The following KLF15 variants were observed in gnomAD, a reference collection of about 807,000 sequenced individuals.
The protein encoded by KLF15 is KLF transcription factor 15.
KLF15 carries 4 observed loss-of-function variants against 24.6 expected under a neutral mutation model. The observed-to-expected ratio is 0.16, with a 90% CI of 0.08 to 0.37. The LOEUF is 0.37. Among genes scored for constraint, KLF15 ranks in the 10% least tolerant of loss-of-function variants. The pLI is 1.00. For synonymous variants in KLF15, 246 were observed against 236.3 expected (o/e 1.04, Z -0.37); for missense variants, 496 against 560.6 (o/e 0.88, Z 1.16).
chr3:126,347,362 A>G (rs2082543152), intron 2 of KLF15, among the ~76,000 whole-genome samples: 1 of 152,138 alleles, frequency 6.6e-6, no homozygotes, highest in South Asian at 2.1e-4. Context: ...AAAAGCCTCA[A>G]TGCAGAGGGG....
the KLF15 span, among the ~76,000 whole-genome samples, chr3:126,311,672 T>A: frequency 6.6e-6 from 1 of 152,166 alleles, no homozygotes; most frequent in African/African-American, 2.4e-5. Flanking sequence ...AGGACTTACA[T>A]CCTCCAACCT....
the KLF15 span, among the ~76,000 whole-genome samples, chr3:126,316,410 G>T: frequency 3.7e-4 from 56 of 149,782 alleles, no homozygotes; most frequent in Non-Finnish European, 5.8e-4. Context: ...GGGCATCCAT[G>T]GGCCAGTGGG....
chr3:126,342,369 G>A (rs549217964), downstream of KLF15, among the ~76,000 whole-genome samples: 1 of 152,324 alleles, frequency 6.6e-6, no homozygotes, highest in African/African-American at 2.4e-5. Flanking sequence ...CTTCCCACAG[G>A]TGCTGTCGGA....
At chr3:126,345,981 G>A (rs2082532752) in intron 2 of KLF15, among the ~76,000 whole-genome samples, 1 of 152,230 alleles carries the variant, frequency 6.6e-6, no homozygotes, top group Non-Finnish European at 1.5e-5. Context: ...ACAAGACAGG[G>A]CCCCTGAGGC....
the KLF15 span, among the ~76,000 whole-genome samples, chr3:126,330,449 A>G: frequency 0.7 from 105,768 of 152,038 alleles, 37,236 homozygotes; most frequent in African/African-American, 0.81. Context: ...CAGATTTTCA[A>G]TTGATCATTT....
chr3:126,308,103 G>A, the KLF15 span, among the ~76,000 whole-genome samples: 4,430 of 152,330 alleles, frequency 0.029, 88 homozygotes, highest in Non-Finnish European at 0.044. Context: ...TGGCCAGCTC[G>A]TTGCTCTAAG....
chr3:126,344,058 G>A (rs551137990), intron 2 of KLF15, among the ~76,000 whole-genome samples, 163 bp from the exon 3 acceptor site: 33 of 152,186 alleles, frequency 2.2e-4, no homozygotes, highest in African/African-American at 8.0e-4. Flanking sequence ...CCCCATCTAC[G>A]TCGGTAAGGC....
At chr3:126,355,437 A>T (rs1221556921) in intron 1 of KLF15, among the ~76,000 whole-genome samples, 1 of 152,186 alleles carries the variant, frequency 6.6e-6, no homozygotes, top group African/African-American at 2.4e-5. Flanking sequence ...CTTCAGCCTC[A>T]GCCCGGGGCC....
At chr3:126,322,861 G>T in the KLF15 span, among the ~76,000 whole-genome samples, 1 of 152,128 alleles carries the variant, frequency 6.6e-6, no homozygotes, top group Non-Finnish European at 1.5e-5. Flanking sequence ...GGAAAGACAG[G>T]CAATACATGG....
At chr3:126,330,535 CT>C in the KLF15 span, among the ~76,000 whole-genome samples, 5,362 of 149,820 alleles carry the variant, frequency 0.036, 330 homozygotes, top group African/African-American at 0.12. Flanking sequence ...TCCTTTCAGT[CT>C]TTTTTTTTTC....
chr3:126,290,272 G>A, the KLF15 span, among the ~76,000 whole-genome samples: 1 of 152,092 alleles, frequency 6.6e-6, no homozygotes, highest in Non-Finnish European at 1.5e-5. Flanking sequence ...ATCTCATAGT[G>A]GGGACTGCCA....
chr3:126,320,470 C>G, the KLF15 span, among the ~76,000 whole-genome samples: 2 of 152,234 alleles, frequency 1.3e-5, no homozygotes, highest in African/African-American at 4.8e-5. Flanking sequence ...TATAAATGCA[C>G]ATGCAGTACA....
chr3:126,351,433 A>G (rs1004280541), intron 2 of KLF15, among the ~76,000 whole-genome samples: 2 of 152,156 alleles, frequency 1.3e-5, no homozygotes, highest in African/African-American at 4.8e-5. Context: ...TCGGAGCCCT[A>G]GTGTCCTGTG....
At chr3:126,323,421 A>ATATATATATATATAACATATATATGT in the KLF15 span, among the ~76,000 whole-genome samples, 2 of 35,480 alleles carry the variant, frequency 5.6e-5, no homozygotes, top group Admixed American at 3.9e-4. Context: ...ATATATATAT[A>ATATATATATATATAACATATATATGT]TATATATATA....
chr3:126,300,852 G>A, the KLF15 span, among the ~76,000 whole-genome samples: 10 of 152,208 alleles, frequency 6.6e-5, no homozygotes, highest in Non-Finnish European at 1.2e-4. Context: ...GGAAGCACAA[G>A]GAACCATCCT....
At chr3:126,319,646 A>G in the KLF15 span, among the ~76,000 whole-genome samples, 2 of 152,166 alleles carry the variant, frequency 1.3e-5, no homozygotes, top group Non-Finnish European at 1.5e-5. Context: ...GCATTTTAAG[A>G]GTTGTTTTGT....
rs747387871 is a variant in KLF15 at position 126,352,872 on chromosome 3, G to A, written c.51C>T (p.Cys17=). ...GCCTATCACCCAGATACCCAACTGGGCATTTTGGCGACGAGAAGTTCTCGT... is the reference window on the plus strand; with the variant it reads ...GCCTATCACCCAGATACCCAACTGGACATTTTGGCGACGAGAAGTTCTCGT... The part of the protein sequence containing the change: ...PVDENFSSPK[C]PVGYLGDRLV... The change falls in exon 2 of 3, where the codon TGC becomes TGT. Residue 17 remains cysteine, a synonymous_variant. Coordinates refer to ENST00000296233, the MANE Select transcript of KLF15 (RefSeq NM_014079.4). 5.3e-5 allele frequency: 86 copies of A among 1,612,054 alleles called. 3 individuals carry two copies. In the South Asian group the frequency reaches 9.1e-4, roughly 17 times the overall value.
chr3:126,294,526 A>G, the KLF15 span, among the ~76,000 whole-genome samples: 1 of 152,150 alleles, frequency 6.6e-6, no homozygotes, highest in Non-Finnish European at 1.5e-5. Flanking sequence ...ATTAAGCCAT[A>G]CACCAGTTGA....
the KLF15 span, among the ~76,000 whole-genome samples, chr3:126,304,586 A>G: frequency 0.55 from 83,479 of 152,026 alleles, 23,273 homozygotes; most frequent in African/African-American, 0.62. Flanking sequence ...CAGCACCTCC[A>G]CCTGGAAATG....
Sources: allele counts gnomAD v4.1 joint callset (sites outside exome capture counted in the v4.1 genomes callset), GRCh38; gene constraint gnomAD v4.1.1; transcripts MANE v1.5; gene names NCBI Gene and HGNC (gene_info 2026-07-23, HGNC 2026-07-21).